The following TOM1L2 variants were observed in gnomAD, a reference collection of about 807,000 sequenced individuals.
The protein encoded by TOM1L2 is target of myb1 like 2 membrane trafficking protein.
In TOM1L2, 31 loss-of-function variants were observed where a neutral mutation model predicts 67.9. The ratio of observed to expected loss-of-function variants is 0.46; its 90% CI spans 0.34 to 0.62. The LOEUF (loss-of-function observed/expected upper bound fraction) is 0.62. TOM1L2 is among the 20% of genes least tolerant of loss of function. TOM1L2 has a pLI of 0.01. For missense variants in TOM1L2, 606 were observed against 663.5 expected, an observed-to-expected ratio of 0.91 and a Z score of 0.95; for synonymous variants, 256 against 254.0, an observed-to-expected ratio of 1.01 and a Z score of -0.07.
intron 1 of TOM1L2, among the ~76,000 whole-genome samples, chr17:17,954,246 G>A (rs2041332656): frequency 1.3e-5 from 2 of 151,948 alleles, no homozygotes; most frequent in Non-Finnish European, 1.5e-5. Context: ...ACCTTGGTAA[G>A]AGAAAAGACG....
At chr17:17,940,712 T>C (rs1441031307) in intron 1 of TOM1L2, among the ~76,000 whole-genome samples, 1 of 152,214 alleles carries the variant, frequency 6.6e-6, no homozygotes, top group Admixed American at 6.5e-5. Flanking sequence ...ACAGCTGTCA[T>C]TGGGGTGACC....
In TOM1L2 at chr17:17,847,500, C is replaced by T; in HGVS notation, c.*135G>A. 2 of 1,213,476 alleles carry T rather than the reference C, an allele frequency of 1.6e-6. No individual in the cohort carries two copies. The highest frequency in any genetic ancestry group is 2.3e-6 in the Non-Finnish European group (2 of 887,780). 75.2% of individuals were successfully genotyped at this position (1,213,476 alleles called of 1,614,324 possible). A position where few individuals can be genotyped will look rare whatever the true frequency, so the allele number is the denominator to read the frequency against. On this transcript the variant is annotated 3_prime_UTR_variant, in exon 15 of 15. Coordinates refer to ENST00000379504, the MANE Select transcript of TOM1L2 (RefSeq NM_001082968.2). ...TCCTGACTAGTGGGAGGCCTGGGAG[C>T]AGACACGGTGGCATTTCCATGGAAA...
At chr17:17,929,132 A>G (rs1253162441) in intron 1 of TOM1L2, among the ~76,000 whole-genome samples, 1 of 152,206 alleles carries the variant, frequency 6.6e-6, no homozygotes, top group Non-Finnish European at 1.5e-5. Context: ...GGCTGGCACT[A>G]TAGTAAAGGG....
chr17:17,898,365 C>A (rs931235856), intron 3 of TOM1L2, among the ~76,000 whole-genome samples: 2 of 152,194 alleles, frequency 1.3e-5, no homozygotes, highest in African/African-American at 4.8e-5. Context: ...CTGCACACAC[C>A]TTATCTTCTG....
At chr17:17,921,765 G>A (rs1598343110) in intron 1 of TOM1L2, among the ~76,000 whole-genome samples, 1 of 119,292 alleles carries the variant, frequency 8.4e-6, no homozygotes. Flanking sequence ...GTGGGGGGGT[G>A]GGATTCACCT....
At chr17:17,851,207 G>A (rs1278995377) in intron 12 of TOM1L2, 2 of 521,734 alleles carry the variant, frequency 3.8e-6, no homozygotes, top group Non-Finnish European at 6.9e-6. Flanking sequence ...GAAGGTGGCT[G>A]TACGCGTTCT....
Position 17,844,716 on chromosome 17 carries a change from T to C in TOM1L2, c.*2919A>G, listed in dbSNP as rs1452437928. ...ATGGTGCCAGGGGCCCAACTGCACA[T>C]AGCGCCATTCTCTGCCGCCCAGTGG... is the stretch of plus-strand genomic sequence containing the variant. On this transcript the variant is annotated 3_prime_UTR_variant, in exon 15 of 15. Coordinates refer to ENST00000379504, the MANE Select transcript of TOM1L2 (RefSeq NM_001082968.2). 1 of 152,212 alleles carries C rather than the reference T, an allele frequency of 6.6e-6. No individual in the cohort carries two copies. Among genetic ancestry groups the C allele is most frequent in the Non-Finnish European group, 1.5e-5 (1 of 68,040 alleles). The allele number at this position is 152,212 out of a possible 1,614,324, so 9.4% of individuals were successfully genotyped here.
chr17:17,949,622 G>A (rs1188605316), intron 1 of TOM1L2, among the ~76,000 whole-genome samples: 2 of 152,246 alleles, frequency 1.3e-5, no homozygotes, highest in Non-Finnish European at 2.9e-5. Context: ...TCACCTTGCA[G>A]GAGCAGAATC....
At chr17:17,955,755 CAGTT>C (rs1471012381) in intron 1 of TOM1L2, among the ~76,000 whole-genome samples, 3 of 152,162 alleles carry the variant, frequency 2.0e-5, no homozygotes, top group African/African-American at 7.2e-5. Context: ...TAGACCCTCG[CAGTT>C]AGTTTTACAG....
chr17:17,928,657 C>T (rs534728411), intron 1 of TOM1L2, among the ~76,000 whole-genome samples: 5 of 152,192 alleles, frequency 3.3e-5, no homozygotes, highest in Admixed American at 3.3e-4. Context: ...GAGGCTCATC[C>T]AGCCCCTATT....
chr17:17,898,460 TG>T, intron 3 of TOM1L2, 135 bp downstream of exon 3: 1 of 833,232 alleles, frequency 1.2e-6, no homozygotes, highest in Non-Finnish European at 2.0e-6. Context: ...AAGGCTTTGC[TG>T]GACTCCAGTG....
chr17:17,867,688 C>T (rs764767701), intron 8 of TOM1L2, among the ~76,000 whole-genome samples: 43 of 152,206 alleles, frequency 2.8e-4, no homozygotes, highest in Non-Finnish European at 5.6e-4. Context: ...CCAGCTGGAG[C>T]CTTAGACACC....
Position 17,881,507 on chromosome 17 carries a change from C to A in TOM1L2, c.660+1198G>T, listed in dbSNP as rs146443731. 5.7e-4 allele frequency among the ~76,000 whole-genome samples: 87 copies of A among 152,322 alleles called. 1 individual carries two copies. Among genetic ancestry groups the A allele is most frequent in the Non-Finnish European group, 1.1e-3 (72 of 68,024 alleles). ...GTAACTGTCCAACTTCAAACATTTT[C>A]TGCCTTCCCTCAGAGCAGGAAGGGC... On this transcript the variant is annotated intron_variant, in intron 6 of 14. Coordinates refer to ENST00000379504, the MANE Select transcript of TOM1L2 (RefSeq NM_001082968.2).
intron 6 of TOM1L2, among the ~76,000 whole-genome samples, chr17:17,881,410 A>G (rs1311193817): frequency 6.6e-6 from 1 of 152,008 alleles, no homozygotes; most frequent in Admixed American, 6.5e-5. Flanking sequence ...GACCCTGCAG[A>G]CCCAGCATCT....
chr17:17,955,964 A>G (rs2041422377), intron 1 of TOM1L2, among the ~76,000 whole-genome samples: 1 of 152,104 alleles, frequency 6.6e-6, no homozygotes. Flanking sequence ...CATTCCTCCC[A>G]ATGGGTTCGT....
intron 5 of TOM1L2, among the ~76,000 whole-genome samples, chr17:17,883,578 C>T (rs2037841287): frequency 6.6e-6 from 1 of 152,072 alleles, no homozygotes; most frequent in South Asian, 2.1e-4. Flanking sequence ...ACTAAAAATA[C>T]AAAAAATTAG....
intron 6 of TOM1L2, among the ~76,000 whole-genome samples, chr17:17,880,080 T>C (rs1226429324): frequency 2.0e-5 from 3 of 152,326 alleles, no homozygotes; most frequent in Admixed American, 6.5e-5. Context: ...GAGTAGAAGC[T>C]GAACCTCTCA....
At chr17:17,879,529 T>C in intron 7 of TOM1L2, 98 bp downstream of exon 7, 3 of 922,060 alleles carry the variant, frequency 3.3e-6, no homozygotes, top group South Asian at 1.4e-5. Context: ...CCACTGGACC[T>C]GTCCCGCCTT....
intron 3 of TOM1L2, 135 bp downstream of exon 3, chr17:17,898,461 G>A: frequency 2.4e-6 from 2 of 839,552 alleles, no homozygotes; most frequent in Admixed American, 4.0e-5. Context: ...AGGCTTTGCT[G>A]GACTCCAGTG....
Sources: allele counts gnomAD v4.1 joint callset (sites outside exome capture counted in the v4.1 genomes callset), GRCh38; gene constraint gnomAD v4.1.1; transcripts MANE v1.5; gene names NCBI Gene and HGNC (gene_info 2026-07-23, HGNC 2026-07-21).